IL1RAPL2: variants seen among roughly 807,000 people sequenced by gnomAD.
IL1RAPL2 encodes the protein interleukin 1 receptor accessory protein like 2, also known as X-linked interleukin-1 receptor accessory protein-like 2.
Under a neutral mutation model 44.1 loss-of-function variants are expected in IL1RAPL2, and 3 were observed. The observed-to-expected ratio is 0.07, with a 90% CI of 0.03 to 0.18. The LOEUF is 0.18. IL1RAPL2 is among the 10% of genes least tolerant of loss of function. The pLI is 1.00. For synonymous variants in IL1RAPL2, 181 were observed against 178.8 expected (o/e 1.01, Z -0.10); for missense variants, 391 against 496.4 (o/e 0.79, Z 2.02).
chrX:105,508,637 A>C (rs1402574715), intron 6 of IL1RAPL2, among the ~76,000 whole-genome samples: 6 of 109,272 alleles, frequency 5.5e-5, no homozygotes, highest in Non-Finnish European at 1.1e-4. Context: ...GGCCCTTCAG[A>C]AGCTGGCAGA....
chrX:105,731,014 GA>G (rs1485940617), intron 7 of IL1RAPL2, among the ~76,000 whole-genome samples: 1 of 110,685 alleles, frequency 9.0e-6, no homozygotes, highest in Non-Finnish European at 1.9e-5. Context: ...TTAGTAGAAT[GA>G]AAGAGTAGAG....
chrX:105,294,405 A>G (rs2034639468), intron 5 of IL1RAPL2, among the ~76,000 whole-genome samples: 2 of 112,375 alleles, frequency 1.8e-5, no homozygotes. Flanking sequence ...AGAAAAATAC[A>G]ACAAATGAAA....
chrX:104,936,599 A>G (rs1221066762), intron 2 of IL1RAPL2, among the ~76,000 whole-genome samples: 2 of 107,823 alleles, frequency 1.9e-5, no homozygotes, highest in African/African-American at 6.8e-5. Flanking sequence ...AAGCAGATGG[A>G]GAAAATTGCA....
intron 2 of IL1RAPL2, among the ~76,000 whole-genome samples, chrX:105,125,044 C>G (rs1262336649): frequency 9.1e-6 from 1 of 110,153 alleles, no homozygotes; most frequent in Non-Finnish European, 1.9e-5. Flanking sequence ...TAAGGATAGT[C>G]TGAAATTCTT....
At chrX:104,604,653 A>AAAAAAC (rs1928965264) in intron 1 of IL1RAPL2, among the ~76,000 whole-genome samples, 1 of 107,519 alleles carries the variant, frequency 9.3e-6, no homozygotes, top group Non-Finnish European at 1.9e-5. Context: ...AAAAAAAAAA[A>AAAAAAC]AAGCAGGAGC....
chrX:105,229,030 G>C (rs1345301743), intron 3 of IL1RAPL2, among the ~76,000 whole-genome samples: 2 of 112,055 alleles, frequency 1.8e-5, no homozygotes, highest in Non-Finnish European at 3.8e-5. Context: ...CATTGAGCCT[G>C]AATGTGTTCC....
At chrX:105,180,424 G>A (rs1263982976) in intron 2 of IL1RAPL2, among the ~76,000 whole-genome samples, 2 of 111,880 alleles carry the variant, frequency 1.8e-5, no homozygotes, top group Non-Finnish European at 3.8e-5. Context: ...TTAGAGGAAA[G>A]GCTTTCAACT....
chrX:104,926,727 C>T (rs1048544224), intron 2 of IL1RAPL2, among the ~76,000 whole-genome samples: 1 of 111,874 alleles, frequency 8.9e-6, no homozygotes, highest in African/African-American at 3.2e-5. Flanking sequence ...TAAATCTTTG[C>T]TCATCTTTGA....
intron 2 of IL1RAPL2, among the ~76,000 whole-genome samples, chrX:105,003,217 T>C (rs1357076947): frequency 1.8e-5 from 2 of 111,375 alleles, no homozygotes; most frequent in Non-Finnish European, 3.8e-5. Context: ...TCAATTTTTA[T>C]TACTCTACAT....
At chrX:105,734,752 T>C (rs1425927957) in intron 7 of IL1RAPL2, among the ~76,000 whole-genome samples, 1 of 111,414 alleles carries the variant, frequency 9.0e-6, no homozygotes, top group Non-Finnish European at 1.9e-5. Flanking sequence ...ATGGTCACTT[T>C]TCCCTTTCCC....
intron 2 of IL1RAPL2, among the ~76,000 whole-genome samples, chrX:105,013,448 A>C (rs1384562038): frequency 9.1e-6 from 1 of 110,487 alleles, no homozygotes; most frequent in Non-Finnish European, 1.9e-5. Flanking sequence ...AGAGGTAGCG[A>C]TACTCTGGTA....
At position 104,768,608 on chromosome X, in the gene IL1RAPL2, G is replaced by A. The variant is rs755264479; in HGVS notation, c.82+109613G>A. On this transcript the variant is annotated intron_variant, in intron 2 of 10. Transcript: ENST00000372582. ...TGAGGTGTTTTGGGTTGCCAAAACA[G>A]GTGAAGAATAATATGGGTATTTAGT... 2.7e-4 allele frequency among the ~76,000 whole-genome samples: 30 copies of A among 111,197 alleles called. No individual in the cohort carries two copies. In the Admixed American group the frequency reaches 2.8e-3, roughly 10 times the overall value.
intron 3 of IL1RAPL2, among the ~76,000 whole-genome samples, chrX:105,216,176 G>C (rs1780495481): frequency 9.0e-6 from 1 of 111,301 alleles, no homozygotes; most frequent in Non-Finnish European, 1.9e-5. Flanking sequence ...AATTGTCTCT[G>C]TTTGCAGACG....
At chrX:104,657,659 A>G (rs571641002) in intron 1 of IL1RAPL2, among the ~76,000 whole-genome samples, 1 of 111,828 alleles carries the variant, frequency 8.9e-6, no homozygotes, top group African/African-American at 3.2e-5. Flanking sequence ...GCACAGCAAA[A>G]GAAACTACCA....
intron 2 of IL1RAPL2, among the ~76,000 whole-genome samples, chrX:105,040,163 G>C (rs1006545258): frequency 2.7e-5 from 3 of 111,394 alleles, no homozygotes; most frequent in African/African-American, 6.6e-5. Flanking sequence ...CTTTGGTTCT[G>C]TTTATATGCT....
At chrX:105,263,382 A>G (rs1032354243) in intron 4 of IL1RAPL2, among the ~76,000 whole-genome samples, 1 of 111,603 alleles carries the variant, frequency 9.0e-6, no homozygotes, top group African/African-American at 3.3e-5. Flanking sequence ...ATTGAAATCA[A>G]TCTTCCTGAT....
At chrX:105,465,491 CTGT>C (rs1306729048) in intron 5 of IL1RAPL2, among the ~76,000 whole-genome samples, 1 of 111,607 alleles carries the variant, frequency 9.0e-6, no homozygotes, top group Non-Finnish European at 1.9e-5. Context: ...TTATTTTCCT[CTGT>C]TATTATTTAA....
intron 5 of IL1RAPL2, among the ~76,000 whole-genome samples, chrX:105,444,770 T>G (rs2035943826): frequency 9.0e-6 from 1 of 111,131 alleles, no homozygotes; most frequent in African/African-American, 3.3e-5. Flanking sequence ...AAGCCCAGCA[T>G]GCATTAGCTA....
chrX:104,691,362 T>C (rs968231174), intron 2 of IL1RAPL2, among the ~76,000 whole-genome samples: 1 of 112,077 alleles, frequency 8.9e-6, no homozygotes, highest in African/African-American at 3.2e-5. Context: ...TCTACCATGT[T>C]GGATGCTCAC....
Sources: allele counts gnomAD v4.1 joint callset (sites outside exome capture counted in the v4.1 genomes callset), GRCh38; gene constraint gnomAD v4.1.1; transcripts MANE v1.5; gene names NCBI Gene and HGNC (gene_info 2026-07-23, HGNC 2026-07-21).